The following TVP23A variants were observed in gnomAD, a reference collection of about 807,000 sequenced individuals.
TVP23A encodes the protein Golgi apparatus membrane protein TVP23 homolog A.
In TVP23A, 21 loss-of-function variants were observed where a neutral mutation model predicts 31.7. The observed-to-expected ratio is 0.66, with a 90% CI of 0.47 to 0.95. TVP23A has a LOEUF of 0.95. Ranked by LOEUF, TVP23A falls within the 40% of genes least tolerant of loss-of-function variation. The probability of loss-of-function intolerance (pLI) is 0.00; values close to 1 mark genes in which losing one functional copy is unlikely to be tolerated. For synonymous variants in TVP23A, 104 were observed against 96.0 expected, an observed-to-expected ratio of 1.08 and a Z score of -0.49; for missense variants, 279 against 255.6, an observed-to-expected ratio of 1.09 and a Z score of -0.62.
rs145707159 is a variant in TVP23A at position 10,813,035 on chromosome 16, T to C, written c.89+5068A>G. ...TCCACTGATCCTGCAAGATGTGATGTACTTCCCAGGCCCCCCACCGCAACA... is the reference window on the plus strand; with the variant it reads ...TCCACTGATCCTGCAAGATGTGATGCACTTCCCAGGCCCCCCACCGCAACA... On this transcript the variant is annotated intron_variant, in intron 2 of 7. Transcript: ENST00000299866. Among the ~76,000 whole-genome samples the C allele has an allele frequency of 2.6e-5, 4 of 152,306 alleles. No homozygotes were observed. In the East Asian group the frequency reaches 7.7e-4, roughly 29 times the overall value.
At chr16:10,795,311 C>G (rs905590983) in intron 2 of TVP23A, among the ~76,000 whole-genome samples, 16 of 150,952 alleles carry the variant, frequency 1.1e-4, no homozygotes, top group African/African-American at 3.7e-4. Flanking sequence ...AGTGCAGTGG[C>G]ATGATCTTGG....
intron 2 of TVP23A, among the ~76,000 whole-genome samples, chr16:10,781,130 A>G (rs1301872914): frequency 6.6e-6 from 1 of 152,076 alleles, no homozygotes; most frequent in Non-Finnish European, 1.5e-5. Flanking sequence ...GGAGTTCAAG[A>G]CCAGCCTGGA....
downstream of TVP23A, among the ~76,000 whole-genome samples, chr16:10,759,361 G>A (rs562434800): frequency 1.3e-4 from 20 of 152,350 alleles, no homozygotes; most frequent in South Asian, 2.9e-3. This position sits in a 1 kb window ranked among gnomAD's most constrained non-coding sequence, Gnocchi z 4.7. Flanking sequence ...ACATGGGGAC[G>A]CAAGGAGGAG....
chr16:10,781,761 G>A (rs1355987556), intron 2 of TVP23A, among the ~76,000 whole-genome samples: 1 of 151,656 alleles, frequency 6.6e-6, no homozygotes, highest in Non-Finnish European at 1.5e-5. Flanking sequence ...GCAGAAATGA[G>A]GGAAAACAAA....
intron 2 of TVP23A, among the ~76,000 whole-genome samples, chr16:10,808,003 G>A (rs865909532): frequency 1.3e-5 from 2 of 152,118 alleles, no homozygotes; most frequent in Non-Finnish European, 2.9e-5. Context: ...GCATGCCACC[G>A]TGTCAGGCTC....
At chr16:10,758,131 G>C, downstream of TVP23A, 10 of 1,347,960 alleles carry the variant, frequency 7.4e-6, no homozygotes, top group Non-Finnish European at 1.0e-5. Flanking sequence ...GCTCTTCCCA[G>C]TGTGTGTTCC....
chr16:10,817,484 C>T (rs907512846), intron 2 of TVP23A, among the ~76,000 whole-genome samples: 2 of 152,204 alleles, frequency 1.3e-5, no homozygotes, highest in African/African-American at 4.8e-5. Context: ...TCCCTCATGC[C>T]TTGGTCATGC....
rs1567286549 is a variant in TVP23A, at chr16:10,780,129, A to AATG, written c.90-5034_90-5033insCAT. ...TGAATGAATGAATGAATGAATGAAT[A>AATG]AAATAAAATAAAGATTAACTTCTTT... On this transcript the variant is annotated intron_variant, in intron 2 of 7. Coordinates refer to ENST00000299866, the MANE Select transcript of TVP23A (RefSeq NM_001079512.4). 1.9e-3 allele frequency among the ~76,000 whole-genome samples: 282 copies of AATG among 146,982 alleles called. 1 individual carries two copies. Among genetic ancestry groups the AATG allele is most frequent in the African/African-American group, 7.3e-3 (278 of 38,144 alleles).
rs1239867994 is a variant in TVP23A at position 10,770,211 on chromosome 16, A to G, written c.*61T>C. On this transcript the variant is annotated intron_variant, in intron 7 of 7. Transcript: ENST00000299866. ...CCAGACCCCGGGCCCCTGTGCCCCAAGAGCTGCATTTTTCAGAATTCCCCA... is the reference window on the plus strand; with the variant it reads ...CCAGACCCCGGGCCCCTGTGCCCCAGGAGCTGCATTTTTCAGAATTCCCCA... 5 of 1,542,944 alleles carry G rather than the reference A, an allele frequency of 3.2e-6. No individual in the cohort carries two copies. In the Admixed American group the frequency reaches 6.0e-5, roughly 18 times the overall value.
chr16:10,810,203 G>A (rs149304138), intron 2 of TVP23A, among the ~76,000 whole-genome samples: 1 of 152,094 alleles, frequency 6.6e-6, no homozygotes, highest in African/African-American at 2.4e-5. Flanking sequence ...CTGGGTCTGT[G>A]AAGGTGTTTC....
chr16:10,786,595 A>G (rs2032766918), intron 2 of TVP23A, among the ~76,000 whole-genome samples: 1 of 152,110 alleles, frequency 6.6e-6, no homozygotes, highest in African/African-American at 2.4e-5. Flanking sequence ...GAAGAAAGGC[A>G]TTCTCTTCCC....
downstream of TVP23A, among the ~76,000 whole-genome samples, chr16:10,759,163 G>A (rs1050425799): frequency 2.0e-5 from 3 of 152,200 alleles, no homozygotes; most frequent in Non-Finnish European, 4.4e-5. This position sits in a 1 kb window ranked among gnomAD's most constrained non-coding sequence, Gnocchi z 4.7. Context: ...CTGACATGCC[G>A]GGCACCAGGG....
intron 2 of TVP23A, among the ~76,000 whole-genome samples, chr16:10,811,695 G>A (rs1437053702): frequency 6.6e-6 from 1 of 151,946 alleles, no homozygotes; most frequent in African/African-American, 2.4e-5. Context: ...ACGAGGTCAG[G>A]AGATCGAGAC....
chr16:10,771,913 G>A (rs2031654224), intron 5 of TVP23A, 115 bp from the exon 6 acceptor site: 1 of 1,365,412 alleles, frequency 7.3e-7, no homozygotes, highest in Non-Finnish European at 9.9e-7. Context: ...CCGCCTCCCG[G>A]GTTCACACCA....
intron 2 of TVP23A, among the ~76,000 whole-genome samples, chr16:10,806,594 C>A (rs543089495): frequency 6.6e-6 from 1 of 152,172 alleles, no homozygotes; most frequent in African/African-American, 2.4e-5. Flanking sequence ...CTTTACCTCC[C>A]GGGTACAAGC....
Position 10,767,169 on chromosome 16 carries a change from G to C in TVP23A, c.*1933C>G, listed in dbSNP as rs1329425312. The C allele has an allele frequency of 5.0e-6, 2 of 399,392 alleles. No homozygotes were observed. The highest frequency in any genetic ancestry group is 4.1e-5 in the African/African-American group (2 of 48,666). 24.7% of individuals were successfully genotyped at this position (399,392 alleles called of 1,614,324 possible). A position where few individuals can be genotyped will look rare whatever the true frequency, so the allele number is the denominator to read the frequency against. ...GCAGCTCAGGCCTGGGGAGTGGGCA[G>C]AGCAAGCTGATGGCAGGTCCACCCA... is the stretch of plus-strand genomic sequence containing the variant. On this transcript the variant is annotated 3_prime_UTR_variant, in exon 8 of 8. Transcript: ENST00000299866. The surrounding 1 kb of genome is among the most constrained non-coding windows in gnomAD (Gnocchi z 4.6).
intron 2 of TVP23A, among the ~76,000 whole-genome samples, chr16:10,782,854 T>C (rs2032507686): frequency 6.6e-6 from 1 of 152,118 alleles, no homozygotes; most frequent in Non-Finnish European, 1.5e-5. Flanking sequence ...TTCGCTGGAC[T>C]ACCAAGCCCA....
intron 2 of TVP23A, among the ~76,000 whole-genome samples, chr16:10,813,360 C>T (rs1567320207): frequency 6.6e-6 from 1 of 152,204 alleles, no homozygotes; most frequent in Non-Finnish European, 1.5e-5. Context: ...AGCATCACCT[C>T]CTTTCGATGT....
At chr16:10,762,315 C>T (rs754997206), downstream of TVP23A, among the ~76,000 whole-genome samples, 9 of 152,254 alleles carry the variant, frequency 5.9e-5, no homozygotes, top group East Asian at 1.9e-4. Context: ...GACCGGAACG[C>T]GGATCACTGG....
Sources: allele counts gnomAD v4.1 joint callset (sites outside exome capture counted in the v4.1 genomes callset), GRCh38; gene constraint gnomAD v4.1.1; non-coding constraint Gnocchi (gnomAD v3.1); transcripts MANE v1.5; gene names NCBI Gene and HGNC (gene_info 2026-07-23, HGNC 2026-07-21).